The following SLC9C2 variants were observed in gnomAD, a reference collection of about 807,000 sequenced individuals.
SLC9C2 encodes solute carrier family 9 member C2 (putative), also known as sodium/hydrogen exchanger 11.
SLC9C2 carries 75 observed loss-of-function variants against 140.2 expected under a neutral mutation model. The ratio of observed to expected loss-of-function variants is 0.53; its 90% CI spans 0.44 to 0.65. The LOEUF (loss-of-function observed/expected upper bound fraction) is 0.65. SLC9C2 is among the 30% of genes least tolerant of loss of function. SLC9C2 has a pLI of 0.00. For synonymous variants in SLC9C2, 375 were observed against 420.9 expected (o/e 0.89, Z 1.34); for missense variants, 1,074 against 1,331.8 (o/e 0.81, Z 3.01).
At chr1:173,564,457 C>T (rs987467951) in intron 9 of SLC9C2, among the ~76,000 whole-genome samples, 13 of 152,104 alleles carry the variant, frequency 8.5e-5, no homozygotes, top group African/African-American at 3.1e-4. Flanking sequence ...TGATCAATGA[C>T]GTTGGGCACA....
chr1:173,599,748 C>A (rs1346930307), intron 3 of SLC9C2, among the ~76,000 whole-genome samples: 1 of 152,022 alleles, frequency 6.6e-6, no homozygotes, highest in Non-Finnish European at 1.5e-5. Flanking sequence ...GGATTACAGG[C>A]ATGGGCCACC....
chr1:173,526,890 G>A (rs1428533532), intron 18 of SLC9C2, among the ~76,000 whole-genome samples, 176 bp from the exon 19 acceptor site: 1 of 152,022 alleles, frequency 6.6e-6, no homozygotes, highest in Non-Finnish European at 1.5e-5. Flanking sequence ...CTGTTGCCGA[G>A]GTTGGAGTGC....
chr1:173,599,465 C>G (rs942910164), intron 3 of SLC9C2, among the ~76,000 whole-genome samples: 7 of 145,358 alleles, frequency 4.8e-5, no homozygotes, highest in Non-Finnish European at 8.9e-5. Flanking sequence ...AGCTCCGTCT[C>G]CTGGGTTCAC....
intron 13 of SLC9C2, among the ~76,000 whole-genome samples, chr1:173,541,200 G>A (rs572710308): frequency 1.6e-4 from 25 of 152,038 alleles, no homozygotes; most frequent in African/African-American, 5.8e-4. Context: ...AAAAGCAGGG[G>A]TTGCAATCCT....
chr1:173,504,798 A>C (rs1571415104), intron 26 of SLC9C2, among the ~76,000 whole-genome samples: 1 of 152,210 alleles, frequency 6.6e-6, no homozygotes, highest in South Asian at 2.1e-4. Flanking sequence ...TACTCAAGGC[A>C]AGTCATTTGA....
At chr1:173,560,073 G>T (rs1663998386) in intron 9 of SLC9C2, among the ~76,000 whole-genome samples, 2 of 152,168 alleles carry the variant, frequency 1.3e-5, no homozygotes, top group Admixed American at 6.5e-5. Context: ...CTGGCTTTCA[G>T]AACTGTTGTC....
chr1:173,554,811 T>C lies in SLC9C2; in HGVS notation c.1219A>G (p.Ile407Val). ...AATGATATTACTTGTACATAGAGTA[T>C]AAACTAAAAACAAAGCACATAAATA... Reference protein sequence around the residue: ...ERKVEVPQMFILYVQVISLLT... With the variant: ...ERKVEVPQMFVLYVQVISLLT... The change falls in exon 11 of 28, where the codon ATA becomes GTA. Residue 407 changes from isoleucine to valine, a missense_variant. By Grantham distance (29) the Ile-to-Val change is conservative. Transcript: ENST00000367714. The C allele has an allele frequency of 6.4e-7, 1 of 1,566,502 alleles. No individual in the cohort carries two copies. The highest frequency in any genetic ancestry group is 1.1e-5 in the South Asian group (1 of 88,480).
chr1:173,521,407 G>GAAA lies in SLC9C2; in HGVS notation c.2641-9_2641-8insTTT. The GAAA allele has an allele frequency of 7.0e-7, 1 of 1,422,186 alleles. No individual in the cohort carries two copies. The highest frequency in any genetic ancestry group is 9.2e-7 in the Non-Finnish European group (1 of 1,083,966). 88.1% of individuals were successfully genotyped at this position (1,422,186 alleles called of 1,614,324 possible). A position where few individuals can be genotyped will look rare whatever the true frequency, so the allele number is the denominator to read the frequency against. On this transcript the variant is annotated splice_polypyrimidine_tract_variant and intron_variant, in intron 21 of 27. Coordinates refer to ENST00000367714, the MANE Select transcript of SLC9C2 (RefSeq NM_178527.4). Reference sequence around the variant, plus strand: ...GGCAAGTTTGGCTCTTTCCTGAGTGGGAAAAAAAAAAACGAAAAGAAAAAG... The same window carrying GAAA: ...GGCAAGTTTGGCTCTTTCCTGAGTGGAAAGAAAAAAAAAAACGAAAAGAAAAAG...
chr1:173,557,546 G>C, intron 9 of SLC9C2, 38 bp from the exon 10 acceptor site: 1 of 1,547,732 alleles, frequency 6.5e-7, no homozygotes, highest in Non-Finnish European at 8.8e-7. Flanking sequence ...ATCTCACCTT[G>C]TTTATTAATG....
At chr1:173,503,413 G>C in intron 26 of SLC9C2, 87 bp from the exon 27 acceptor site, 1 of 1,198,898 alleles carries the variant, frequency 8.3e-7, no homozygotes, top group Non-Finnish European at 1.2e-6. Flanking sequence ...ATATCTATTT[G>C]CTTTCTCCCT....
chr1:173,595,022 C>A (rs1189981230), intron 4 of SLC9C2, among the ~76,000 whole-genome samples: 1 of 152,154 alleles, frequency 6.6e-6, no homozygotes, highest in Non-Finnish European at 1.5e-5. Flanking sequence ...GCCTCAGCCT[C>A]CTGAGTAGCT....
At chr1:173,562,931 T>G (rs1664210453) in intron 9 of SLC9C2, among the ~76,000 whole-genome samples, 1 of 152,046 alleles carries the variant, frequency 6.6e-6, no homozygotes, top group African/African-American at 2.4e-5. Flanking sequence ...AAGTAAGTAT[T>G]CTATAATACT....
intron 5 of SLC9C2, among the ~76,000 whole-genome samples, chr1:173,587,437 A>C (rs996347338): frequency 2.0e-5 from 3 of 152,148 alleles, no homozygotes; most frequent in African/African-American, 7.2e-5. Flanking sequence ...AAAAAAATGA[A>C]AAACTTCCTT....
chr1:173,526,941 G>C (rs1050703942), intron 18 of SLC9C2, among the ~76,000 whole-genome samples: 5 of 152,058 alleles, frequency 3.3e-5, no homozygotes, highest in African/African-American at 1.2e-4. Context: ...CACTTCCCGG[G>C]TTCAAGTTAT....
At chr1:173,550,452 A>ATTTTTTT (rs202103167) in intron 11 of SLC9C2, among the ~76,000 whole-genome samples, 227 of 145,618 alleles carry the variant, frequency 1.6e-3, no homozygotes, top group African/African-American at 4.5e-3. Context: ...TTATTTATTT[A>ATTTTTTT]TTTTTGAGGA....
At chr1:173,539,426 T>C (rs543010996) in intron 13 of SLC9C2, among the ~76,000 whole-genome samples, 1 of 152,246 alleles carries the variant, frequency 6.6e-6, no homozygotes, top group Admixed American at 6.5e-5. Context: ...TGGAGAAGGA[T>C]AGAGGAAGAG....
intron 6 of SLC9C2, among the ~76,000 whole-genome samples, chr1:173,582,362 A>T (rs963941514): frequency 1.4e-4 from 22 of 152,232 alleles, no homozygotes; most frequent in Non-Finnish European, 3.2e-4. Flanking sequence ...CTATGTCAAG[A>T]CCAAGCTAAC....
chr1:173,594,111 T>C (rs1459831326), intron 4 of SLC9C2, among the ~76,000 whole-genome samples: 4 of 152,176 alleles, frequency 2.6e-5, no homozygotes, highest in African/African-American at 4.8e-5. Context: ...TCAGGTATTA[T>C]TCAAATTGAG....
Position 173,583,623 on chromosome 1 carries a change from C to A in SLC9C2, c.524-1G>T. 1.4e-6 allele frequency: 2 copies of A among 1,455,542 alleles called. No individual in the cohort carries two copies. The highest frequency in any genetic ancestry group is 1.9e-6 in the Non-Finnish European group (2 of 1,066,998). 90.2% of individuals were successfully genotyped at this position (1,455,542 alleles called of 1,614,324 possible). On this transcript the variant is annotated splice_acceptor_variant, in intron 5 of 27. Coordinates refer to ENST00000367714, the MANE Select transcript of SLC9C2 (RefSeq NM_178527.4). LOFTEE classifies it high-confidence loss of function. ...AGATCAATGTATATTTTAGAAATGC[C>A]TGAAAAAGGAAATACAAAATGTAAC... is the stretch of plus-strand genomic sequence containing the variant.
Sources: gnomAD v4.1 joint callset for allele counts (sites outside exome capture counted in the v4.1 genomes callset) on GRCh38, gnomAD v4.1.1 for gene constraint, MANE v1.5 for transcripts, NCBI Gene and HGNC (gene_info 2026-07-23, HGNC 2026-07-21) for gene names.